The following XKR9 variants were observed in gnomAD, a reference collection of about 807,000 sequenced individuals.
XKR9 encodes the protein XK-related protein 9.
Under a neutral mutation model 32.0 loss-of-function variants are expected in XKR9, and 32 were observed. The ratio of observed to expected loss-of-function variants is 1.00; its 90% CI spans 0.76 to 1.34. The LOEUF (loss-of-function observed/expected upper bound fraction) is 1.34. XKR9 is among the 40% of genes most tolerant of loss of function. The pLI is 0.00. For synonymous variants in XKR9, 168 were observed against 143.4 expected (o/e 1.17, Z -1.22); for missense variants, 546 against 429.7 (o/e 1.27, Z -2.39).
At chr8:70,808,618 A>C in the XKR9 span, among the ~76,000 whole-genome samples, 6 of 152,326 alleles carry the variant, frequency 3.9e-5, no homozygotes, top group Admixed American at 1.3e-4. Flanking sequence ...CTTTTCCAAC[A>C]GTCTTAGCAA....
the XKR9 span, among the ~76,000 whole-genome samples, chr8:70,885,375 C>T: frequency 6.6e-6 from 1 of 152,044 alleles, no homozygotes; most frequent in Non-Finnish European, 1.5e-5. Flanking sequence ...CTATAAGTAG[C>T]ATATATAGGT....
chr8:71,047,805 T>C, the XKR9 span, among the ~76,000 whole-genome samples: 1 of 152,236 alleles, frequency 6.6e-6, no homozygotes. Flanking sequence ...GGTCCCCCAG[T>C]GCTTTTTAAA....
intron 4 of XKR9, among the ~76,000 whole-genome samples, chr8:70,729,249 G>A (rs1806580782): frequency 6.6e-6 from 1 of 152,116 alleles, no homozygotes; most frequent in African/African-American, 2.4e-5. Context: ...AGTTTCCAAG[G>A]TAGAGAGACA....
chr8:70,738,887 C>G (rs1243957893), downstream of XKR9, among the ~76,000 whole-genome samples: 2 of 152,070 alleles, frequency 1.3e-5, no homozygotes, highest in Non-Finnish European at 2.9e-5. Context: ...GCTTTACTTC[C>G]AAGTATGTGG....
the XKR9 span, among the ~76,000 whole-genome samples, chr8:70,843,013 T>A: frequency 2.6e-5 from 4 of 152,344 alleles, no homozygotes; most frequent in African/African-American, 9.6e-5. Context: ...CAGATATTTT[T>A]AACTATAATT....
chr8:70,858,313 A>C, the XKR9 span, among the ~76,000 whole-genome samples: 1 of 152,140 alleles, frequency 6.6e-6, no homozygotes, highest in Non-Finnish European at 1.5e-5. Flanking sequence ...GCATTCCTAT[A>C]TACCAATAAC....
chr8:71,011,008 T>C, the XKR9 span, among the ~76,000 whole-genome samples: 1 of 152,128 alleles, frequency 6.6e-6, no homozygotes, highest in Non-Finnish European at 1.5e-5. Context: ...TTAATTACGA[T>C]CCCTTTTTTA....
At chr8:70,946,008 G>A in the XKR9 span, among the ~76,000 whole-genome samples, 9 of 152,190 alleles carry the variant, frequency 5.9e-5, no homozygotes, top group South Asian at 1.5e-3. Context: ...GGTGGTGCGC[G>A]CCTGTAGTCC....
chr8:70,803,381 A>T, the XKR9 span, among the ~76,000 whole-genome samples: 3 of 152,142 alleles, frequency 2.0e-5, no homozygotes, highest in Admixed American at 1.3e-4. Context: ...ATTGGGTTTC[A>T]ACTTTCTCCT....
At chr8:70,739,628 G>A (rs571313793), downstream of XKR9, among the ~76,000 whole-genome samples, 1 of 152,106 alleles carries the variant, frequency 6.6e-6, no homozygotes, top group East Asian at 1.9e-4. Context: ...TCCATGTTTA[G>A]TGCTTCCTTC....
the XKR9 span, among the ~76,000 whole-genome samples, chr8:71,063,058 T>C: frequency 6.6e-6 from 1 of 152,180 alleles, no homozygotes; most frequent in African/African-American, 2.4e-5. Flanking sequence ...TAGTCTTCTT[T>C]CCTGTAACTT....
the XKR9 span, among the ~76,000 whole-genome samples, chr8:71,043,446 C>T: frequency 6.6e-6 from 1 of 152,184 alleles, no homozygotes; most frequent in African/African-American, 2.4e-5. Context: ...TACCCATCCA[C>T]AAGGTAAAGC....
intron 2 of XKR9, among the ~76,000 whole-genome samples, chr8:70,775,772 C>T (rs1401613600): frequency 6.7e-6 from 1 of 148,372 alleles, no homozygotes; most frequent in Non-Finnish European, 1.5e-5. Flanking sequence ...GAGACAAGGT[C>T]TAAGTCTTGC....
chr8:70,853,851 A>G, the XKR9 span, among the ~76,000 whole-genome samples: 1 of 152,216 alleles, frequency 6.6e-6, no homozygotes, highest in Non-Finnish European at 1.5e-5. Flanking sequence ...TACAAAGGAC[A>G]TGAACTAATC....
intron 2 of XKR9, among the ~76,000 whole-genome samples, chr8:70,755,559 C>T (rs925933870): frequency 6.6e-6 from 1 of 152,026 alleles, no homozygotes; most frequent in Non-Finnish European, 1.5e-5. Context: ...CACATATACA[C>T]CATGGAATAC....
the XKR9 span, among the ~76,000 whole-genome samples, chr8:71,043,345 C>T: frequency 6.6e-6 from 1 of 152,198 alleles, no homozygotes. Context: ...AATAGGCATG[C>T]TTGAAAATGT....
intron 4 of XKR9, among the ~76,000 whole-genome samples, chr8:70,730,822 A>G (rs1806640242): frequency 6.6e-6 from 1 of 152,250 alleles, no homozygotes; most frequent in East Asian, 1.9e-4. Context: ...TGCTCTTCCC[A>G]GAAGAAGTCT....
the XKR9 span, among the ~76,000 whole-genome samples, chr8:70,882,540 T>TTTAAA: frequency 6.6e-6 from 1 of 151,956 alleles, no homozygotes; most frequent in Non-Finnish European, 1.5e-5. Flanking sequence ...TTTGGTATAG[T>TTTAAA]ATGAGTTTAA....
At chr8:70,868,737 T>A in the XKR9 span, among the ~76,000 whole-genome samples, 1 of 152,194 alleles carries the variant, frequency 6.6e-6, no homozygotes, top group African/African-American at 2.4e-5. Flanking sequence ...TTATGCAAAT[T>A]TCTTCAGCTG....
Sources: gnomAD v4.1 joint callset for allele counts (sites outside exome capture counted in the v4.1 genomes callset) on GRCh38, gnomAD v4.1.1 for gene constraint, MANE v1.5 for transcripts, NCBI Gene and HGNC (gene_info 2026-07-23, HGNC 2026-07-21) for gene names.